The following PC variants were observed in gnomAD, a reference collection of about 807,000 sequenced individuals.
The protein encoded by PC is pyruvate carboxylase, mitochondrial.
A neutral mutation model predicts 107.8 loss-of-function variants in PC; 46 were observed. The ratio of observed to expected loss-of-function variants is 0.43; its 90% CI spans 0.34 to 0.55. The LOEUF is 0.55. PC is among the 20% of genes least tolerant of loss of function. The probability of loss-of-function intolerance (pLI) is 0.04; values close to 1 mark genes in which losing one functional copy is unlikely to be tolerated. For synonymous variants in PC, 662 were observed against 684.7 expected (o/e 0.97, Z 0.52); for missense variants, 1,241 against 1,643.1 (o/e 0.76, Z 4.23).
chr11:66,957,160 G>A (rs1175855347), intron 1 of PC, among the ~76,000 whole-genome samples: 17 of 152,244 alleles, frequency 1.1e-4, no homozygotes, highest in East Asian at 1.9e-4. Context: ...GCCAGCCAGG[G>A]CTGATGGTGG....
At chr11:66,908,081 C>T (rs1041336282) in intron 3 of PC, among the ~76,000 whole-genome samples, 8 of 152,028 alleles carry the variant, frequency 5.3e-5, no homozygotes, top group Admixed American at 2.6e-4. Flanking sequence ...GCTGGAAGAG[C>T]GGCGGTCAAA....
At chr11:66,919,125 C>A (rs1022753471) in intron 3 of PC, among the ~76,000 whole-genome samples, 3 of 152,276 alleles carry the variant, frequency 2.0e-5, no homozygotes, top group African/African-American at 7.2e-5. Context: ...TTTTCAAATT[C>A]TCTCTTCAAG....
intron 3 of PC, among the ~76,000 whole-genome samples, chr11:66,895,597 AGC>A (rs1014130216): frequency 1.3e-5 from 2 of 152,220 alleles, no homozygotes; most frequent in African/African-American, 2.4e-5. Context: ...GGAGCAAAAA[AGC>A]TCTTGGAAAT....
intron 11 of PC, 98 bp from the exon 12 acceptor site, chr11:66,864,054 T>G: frequency 8.2e-7 from 1 of 1,223,224 alleles, no homozygotes; most frequent in Non-Finnish European, 1.2e-6. Context: ...CAGCAGCTGC[T>G]GAGAGCAGAG....
At position 66,866,380 on chromosome 11, in the gene PC, A is replaced by G; in HGVS notation, c.1023-31T>C. ...GGGCATTGGGGGGAGGGGGGAAAGG[A>G]CGGGAGAAAGGGGGAAACATGAGGC... On this transcript the variant is annotated intron_variant, in intron 10 of 22. Coordinates refer to ENST00000393960, the MANE Select transcript of PC (RefSeq NM_001040716.2). This position sits in a 1 kb window ranked among gnomAD's most constrained non-coding sequence, Gnocchi z 5.4. 2 of 1,108,796 alleles carry G rather than the reference A, an allele frequency of 1.8e-6. No individual in the cohort carries two copies. The highest frequency in any genetic ancestry group is 2.6e-6 in the Non-Finnish European group (2 of 773,856). 68.7% of individuals were successfully genotyped at this position (1,108,796 alleles called of 1,614,324 possible).
At chr11:66,947,756 G>A (rs1949334753) in intron 3 of PC, among the ~76,000 whole-genome samples, 1 of 150,016 alleles carries the variant, frequency 6.7e-6, no homozygotes, top group Non-Finnish European at 1.5e-5. Context: ...TTGAGGTCAG[G>A]AGTCGAGACC....
chr11:66,856,439 G>T (rs1289542542), intron 12 of PC, among the ~76,000 whole-genome samples: 3 of 151,994 alleles, frequency 2.0e-5, no homozygotes, highest in African/African-American at 7.2e-5. Flanking sequence ...CGGGGCGCCT[G>T]CCCGGAGGCC....
intron 3 of PC, among the ~76,000 whole-genome samples, chr11:66,939,186 A>G (rs1418245368): frequency 6.6e-6 from 1 of 152,228 alleles, no homozygotes; most frequent in Non-Finnish European, 1.5e-5. Context: ...AAAAAATGAC[A>G]ATACAACAAT....
intron 3 of PC, among the ~76,000 whole-genome samples, chr11:66,897,464 C>G (rs969267415): frequency 6.6e-6 from 1 of 152,070 alleles, no homozygotes; most frequent in Admixed American, 6.5e-5. Flanking sequence ...CCCAGTTACT[C>G]GGGAGGCTGA....
chr11:66,913,543 T>C (rs912465498), intron 3 of PC, among the ~76,000 whole-genome samples: 27 of 151,432 alleles, frequency 1.8e-4, no homozygotes, highest in African/African-American at 6.3e-4. Flanking sequence ...GTGCCTGTAA[T>C]CCCAGATACT....
At chr11:66,935,891 C>A (rs1039565732) in intron 3 of PC, among the ~76,000 whole-genome samples, 1 of 152,036 alleles carries the variant, frequency 6.6e-6, no homozygotes, top group African/African-American at 2.4e-5. Flanking sequence ...AAGTTTGAGA[C>A]CAGCCTGGGC....
chr11:66,913,712 G>A (rs1406137852), intron 3 of PC, among the ~76,000 whole-genome samples: 1 of 151,712 alleles, frequency 6.6e-6, no homozygotes, highest in African/African-American at 2.4e-5. Context: ...GCCATCTCCC[G>A]GAACTGGGCC....
chr11:66,865,149 G>A (rs1486344765), intron 11 of PC, among the ~76,000 whole-genome samples: 2 of 152,202 alleles, frequency 1.3e-5, no homozygotes, highest in Non-Finnish European at 2.9e-5. Flanking sequence ...AGAAACAGAA[G>A]GCAGGTGGCC....
chr11:66,854,850 T>C (rs1945708331), intron 12 of PC, among the ~76,000 whole-genome samples: 1 of 152,208 alleles, frequency 6.6e-6, no homozygotes, highest in Non-Finnish European at 1.5e-5. Flanking sequence ...TGTCTGCCCC[T>C]GAGCCTCGCC....
At chr11:66,877,789 T>C (rs1947037566) in intron 3 of PC, among the ~76,000 whole-genome samples, 1 of 152,224 alleles carries the variant, frequency 6.6e-6, no homozygotes, top group Non-Finnish European at 1.5e-5. Context: ...ATGCTTGTGA[T>C]GTAATGTGAA....
intron 3 of PC, among the ~76,000 whole-genome samples, chr11:66,875,378 C>T (rs1946935716): frequency 6.6e-6 from 1 of 152,008 alleles, no homozygotes; most frequent in African/African-American, 2.4e-5. Flanking sequence ...ATAAGAAGGG[C>T]AAGACAGAAA....
In PC at chr11:66,852,557, G is replaced by A; in HGVS notation, c.1707C>T (p.Thr569=). 1 of 1,614,046 alleles carries A rather than the reference G, an allele frequency of 6.2e-7. No individual in the cohort carries two copies. The highest frequency in any genetic ancestry group is 8.5e-7 in the Non-Finnish European group (1 of 1,180,006). ...NHPGLLLMDT[T]FRDAHQSLLA... ...GCAGTGACTGGTGGGCGTCCCTGAA[G>A]GTCGTGTCCATCAGCAGCAGCCCCG... is the stretch of plus-strand genomic sequence containing the variant. The change falls in exon 15 of 23, where the codon ACC becomes ACT. Residue 569 remains threonine (T), a synonymous_variant. Coordinates refer to ENST00000393960, the MANE Select transcript of PC (RefSeq NM_001040716.2). This position sits in a 1 kb window ranked among gnomAD's most constrained non-coding sequence, Gnocchi z 4.7.
In PC at chr11:66,888,943, G is replaced by A. The variant is rs542784282; in HGVS notation, c.1-16784C>T. Among the ~76,000 whole-genome samples, 33 of 152,178 alleles carry A rather than the reference G, an allele frequency of 2.2e-4. No homozygotes were observed. In the South Asian group the frequency reaches 6.0e-3, roughly 28 times the overall value. On this transcript the variant is annotated intron_variant, in intron 3 of 22. Coordinates refer to ENST00000393960, the MANE Select transcript of PC (RefSeq NM_001040716.2). ...ACAAAAATTAGCCGGGCGTGGTGGT[G>A]CATGCCTGTAATCCCAGCTACTCAG...
At chr11:66,931,944 G>A (rs901636592) in intron 3 of PC, among the ~76,000 whole-genome samples, 1 of 151,592 alleles carries the variant, frequency 6.6e-6, no homozygotes, top group African/African-American at 2.4e-5. Context: ...GCGTGAACCC[G>A]GGAGGCGGAG....
Sources: allele counts gnomAD v4.1 joint callset (sites outside exome capture counted in the v4.1 genomes callset), GRCh38; gene constraint gnomAD v4.1.1; non-coding constraint Gnocchi (gnomAD v3.1); transcripts MANE v1.5; gene names NCBI Gene and HGNC (gene_info 2026-07-23, HGNC 2026-07-21).